Variants in ADGRB3 observed in about 807,000 individuals in gnomAD.
ADGRB3 encodes the protein brain-specific angiogenesis inhibitor 3.
Under a neutral mutation model 193.4 loss-of-function variants are expected in ADGRB3, and 37 were observed. The observed-to-expected ratio is 0.19, with a 90% confidence interval of 0.15 to 0.25. The LOEUF (loss-of-function observed/expected upper bound fraction) is 0.25. Ranked by LOEUF, ADGRB3 falls within the 10% of genes least tolerant of loss-of-function variation. The probability of loss-of-function intolerance (pLI) is 1.00; values close to 1 mark genes in which losing one functional copy is unlikely to be tolerated. For missense variants in ADGRB3, 1,637 were observed against 1,852.9 expected (o/e 0.88, Z 2.14); for synonymous variants, 690 against 644.2 (o/e 1.07, Z -1.08).
chr6:69,306,805 A>G (rs1044966603), intron 20 of ADGRB3, among the ~76,000 whole-genome samples: 1 of 151,438 alleles, frequency 6.6e-6, no homozygotes, highest in African/African-American at 2.4e-5. Context: ...ACAGTGTGAA[A>G]TGTACTAATG....
intron 3 of ADGRB3, among the ~76,000 whole-genome samples, chr6:68,767,278 A>T (rs1582183731): frequency 6.6e-6 from 1 of 151,872 alleles, no homozygotes; most frequent in South Asian, 2.1e-4. Context: ...GAGCTACACA[A>T]TTTTTTCTTT....
chr6:69,083,733 C>T (rs182910391), intron 17 of ADGRB3, among the ~76,000 whole-genome samples: 4 of 151,438 alleles, frequency 2.6e-5, no homozygotes, highest in Non-Finnish European at 5.9e-5. Context: ...GATCCAGGAT[C>T]CATCTCCAGC....
At chr6:69,179,079 G>T (rs951943757) in intron 17 of ADGRB3, among the ~76,000 whole-genome samples, 2 of 152,102 alleles carry the variant, frequency 1.3e-5, no homozygotes, top group Admixed American at 6.6e-5. Context: ...TCTCAAGAAT[G>T]CCAGTAATTT....
chr6:68,836,057 A>T (rs1311988914), intron 3 of ADGRB3, among the ~76,000 whole-genome samples: 2 of 152,086 alleles, frequency 1.3e-5, no homozygotes, highest in Non-Finnish European at 2.9e-5. Flanking sequence ...ACCAGTTCTG[A>T]ACATTGCACT....
intron 3 of ADGRB3, among the ~76,000 whole-genome samples, chr6:68,683,401 A>T (rs1471941982): frequency 6.6e-6 from 1 of 152,150 alleles, no homozygotes; most frequent in African/African-American, 2.4e-5. Context: ...TATTTTCAAA[A>T]ATTTTGTTGA....
chr6:68,891,689 G>A (rs1251087067), intron 3 of ADGRB3, among the ~76,000 whole-genome samples: 1 of 152,146 alleles, frequency 6.6e-6, no homozygotes, highest in Admixed American at 6.5e-5. Flanking sequence ...ACTTATGAGT[G>A]TCTTGAATTT....
intron 20 of ADGRB3, among the ~76,000 whole-genome samples, chr6:69,247,426 T>A (rs974114188): frequency 1.2e-4 from 19 of 152,178 alleles, no homozygotes; most frequent in African/African-American, 4.1e-4. Context: ...CCCTTTCTGT[T>A]CCCTCCTAGG....
intron 21 of ADGRB3, among the ~76,000 whole-genome samples, chr6:69,326,676 A>T (rs969947861): frequency 6.6e-6 from 1 of 152,128 alleles, no homozygotes; most frequent in African/African-American, 2.4e-5. Context: ...AATTGTATGA[A>T]ATAAATACTA....
At chr6:69,230,956 T>C (rs1766121561) in intron 17 of ADGRB3, among the ~76,000 whole-genome samples, 1 of 152,188 alleles carries the variant, frequency 6.6e-6, no homozygotes, top group African/African-American at 2.4e-5. Context: ...TAAAGAATGA[T>C]AAGGACAGAG....
At chr6:69,360,472 A>T (rs1437183673) in intron 28 of ADGRB3, among the ~76,000 whole-genome samples, 1 of 151,896 alleles carries the variant, frequency 6.6e-6, no homozygotes, top group African/African-American at 2.4e-5. Flanking sequence ...TTAAGAAAAA[A>T]ATCAAATTTG....
chr6:68,894,852 C>T lies in ADGRB3; in HGVS notation c.758-35707C>T, dbSNP rs1284471850. Reference sequence around the variant, plus strand: ...CTTCAAATAACTATTAATCCTCTTGCTATGTGAATGAGCTATTTTTTTAAA... The same window carrying T: ...CTTCAAATAACTATTAATCCTCTTGTTATGTGAATGAGCTATTTTTTTAAA... On this transcript the variant is annotated intron_variant, in intron 3 of 31. Coordinates refer to ENST00000370598, the MANE Select transcript of ADGRB3 (RefSeq NM_001704.3). Among the ~76,000 whole-genome samples the T allele has an allele frequency of 4.0e-5, 6 of 151,722 alleles. No homozygotes were observed. The East Asian group carries it at 9.6e-4, about 24-fold the overall frequency.
At chr6:69,386,273 G>A (rs946792654) in intron 31 of ADGRB3, among the ~76,000 whole-genome samples, 1 of 152,050 alleles carries the variant, frequency 6.6e-6, no homozygotes, top group Non-Finnish European at 1.5e-5. Context: ...AATCATATCT[G>A]TTCCAAACAT....
At chr6:69,198,252 G>A (rs994583980) in intron 17 of ADGRB3, among the ~76,000 whole-genome samples, 1 of 152,016 alleles carries the variant, frequency 6.6e-6, no homozygotes, top group African/African-American at 2.4e-5. Flanking sequence ...CTAGAGTAGT[G>A]CCTAAGAAAA....
intron 20 of ADGRB3, among the ~76,000 whole-genome samples, chr6:69,269,002 TTTTA>T (rs1231425957): frequency 5.9e-5 from 9 of 152,178 alleles, no homozygotes; most frequent in African/African-American, 1.2e-4. Context: ...AATATTATTC[TTTTA>T]TTTATTATTT....
At position 69,280,732 on chromosome 6, in the gene ADGRB3, C is replaced by T. The variant is rs148591199; in HGVS notation, c.2814+41506C>T. ...TAATTCCAAAACCTCAGCACAATGC[C>T]TGGCACACAATATGTAACCCAGTTC... is the stretch of plus-strand genomic sequence containing the variant. On this transcript the variant is annotated intron_variant, in intron 20 of 31. Coordinates refer to ENST00000370598, the MANE Select transcript of ADGRB3 (RefSeq NM_001704.3). 6.0e-3 allele frequency among the ~76,000 whole-genome samples: 914 copies of T among 152,172 alleles called. 5 individuals are homozygous for T. The highest frequency in any genetic ancestry group is 8.9e-3 in the South Asian group (43 of 4,822).
chr6:69,031,105 T>TCTTCTCTTCA (rs1770664489), intron 13 of ADGRB3, among the ~76,000 whole-genome samples: 1 of 78,534 alleles, frequency 1.3e-5, no homozygotes, highest in Non-Finnish European at 2.9e-5. Context: ...TCTTCTCTTC[T>TCTTCTCTTCA]CTTCTCTTCT....
At chr6:68,741,881 G>A (rs1055844857) in intron 3 of ADGRB3, among the ~76,000 whole-genome samples, 2 of 151,914 alleles carry the variant, frequency 1.3e-5, no homozygotes, top group Non-Finnish European at 2.9e-5. Flanking sequence ...TTCTTATAAC[G>A]TTTTAGCTAA....
chr6:68,856,580 A>G (rs1173881959), intron 3 of ADGRB3, among the ~76,000 whole-genome samples: 1 of 152,180 alleles, frequency 6.6e-6, no homozygotes, highest in Non-Finnish European at 1.5e-5. Context: ...TGAGAGAGAT[A>G]ATTTAGAATA....
At chr6:69,218,718 G>A (rs547235157) in intron 17 of ADGRB3, among the ~76,000 whole-genome samples, 5 of 152,180 alleles carry the variant, frequency 3.3e-5, no homozygotes, top group African/African-American at 9.6e-5. Context: ...GCCTAATTAG[G>A]TGAAGATACC....
Sources: allele counts gnomAD v4.1 joint callset (sites outside exome capture counted in the v4.1 genomes callset), GRCh38; gene constraint gnomAD v4.1.1; transcripts MANE v1.5; gene names NCBI Gene and HGNC (gene_info 2026-07-23, HGNC 2026-07-21).